The following RAP1A variants were observed in gnomAD, a reference collection of about 807,000 sequenced individuals.
The protein encoded by RAP1A is ras-related protein Rap-1A.
RAP1A carries 6 observed loss-of-function variants against 26.4 expected under a neutral mutation model. The observed-to-expected ratio is 0.23, with a 90% CI of 0.12 to 0.45. The LOEUF is 0.45. RAP1A is among the 20% of genes least tolerant of loss of function. The pLI is 0.99. For missense variants in RAP1A, 121 were observed against 217.2 expected (o/e 0.56, Z 2.78); for synonymous variants, 73 against 79.4 (o/e 0.92, Z 0.43).
At chr1:111,698,731 C>A (rs1332965735) in intron 4 of RAP1A, among the ~76,000 whole-genome samples, 1 of 151,994 alleles carries the variant, frequency 6.6e-6, no homozygotes, top group Admixed American at 6.6e-5. Flanking sequence ...TTTTTCCATT[C>A]TTTTTTGGGA....
chr1:111,546,231 T>C (rs1284358561), intron 1 of RAP1A, among the ~76,000 whole-genome samples: 1 of 152,202 alleles, frequency 6.6e-6, no homozygotes, highest in African/African-American at 2.4e-5. Flanking sequence ...CCATCATTTT[T>C]TCCTCTCTTC....
chr1:111,561,657 C>G (rs1657743755), intron 1 of RAP1A, among the ~76,000 whole-genome samples: 1 of 152,202 alleles, frequency 6.6e-6, no homozygotes, highest in Non-Finnish European at 1.5e-5. Flanking sequence ...TCTCCTACTG[C>G]TCACTACTAT....
intron 1 of RAP1A, among the ~76,000 whole-genome samples, chr1:111,667,552 C>T (rs534814571): frequency 3.3e-5 from 5 of 151,886 alleles, no homozygotes; most frequent in East Asian, 1.9e-4. Context: ...CGTGGTGGCC[C>T]GCACCTGTAA....
intron 1 of RAP1A, among the ~76,000 whole-genome samples, chr1:111,597,357 G>A (rs1658581323): frequency 6.6e-6 from 1 of 152,110 alleles, no homozygotes; most frequent in African/African-American, 2.4e-5. Context: ...GGGAGAATTG[G>A]GGCTGAAAGT....
intron 1 of RAP1A, among the ~76,000 whole-genome samples, chr1:111,604,124 T>A (rs1658725037): frequency 6.6e-6 from 1 of 152,118 alleles, no homozygotes; most frequent in Non-Finnish European, 1.5e-5. Flanking sequence ...AGTGGGTAAG[T>A]GAGAAGAGGC....
At chr1:111,648,555 AGCAGGATCCCGTTTAGCTGCTCCATCT>A (rs1326719282) in intron 1 of RAP1A, 3 of 559,660 alleles carry the variant, frequency 5.4e-6, no homozygotes, top group Non-Finnish European at 1.0e-5. Flanking sequence ...CTGCAGTTGC[AGCAGGATCCCGTTTAGCTGCTCCATCT>A]GCAGGAAGTA....
In RAP1A at chr1:111,601,066, G is replaced by A. The variant is rs1054282595; in HGVS notation, c.-28+58557G>A. Among the ~76,000 whole-genome samples the A allele has an allele frequency of 1.2e-4, 19 of 152,170 alleles. 1 individual carries two copies. The highest frequency in any genetic ancestry group is 1.6e-4 in the Non-Finnish European group (11 of 68,022). ...CCCTCTCCATAACAGCAGAATGTGG[G>A]ATTTCCAAGACCTTTCTTGAGGGCC... On this transcript the variant is annotated intron_variant, in intron 1 of 7. Coordinates refer to the RAP1A transcript ENST00000356415.
intron 1 of RAP1A, among the ~76,000 whole-genome samples, chr1:111,662,724 T>TTC (rs1487423739): frequency 8.1e-5 from 11 of 135,618 alleles, no homozygotes; most frequent in African/African-American, 2.5e-4. Flanking sequence ...AGCATTAAGC[T>TTC]TCTGTACCTA....
intron 1 of RAP1A, chr1:111,650,507 A>T (rs954293780): frequency 6.6e-6 from 1 of 152,130 alleles, no homozygotes; most frequent in African/African-American, 2.4e-5. Flanking sequence ...TATCATTCCA[A>T]TTTCAGTATA....
intron 1 of RAP1A, among the ~76,000 whole-genome samples, chr1:111,575,658 G>C (rs543376835): frequency 1.3e-5 from 2 of 152,098 alleles, no homozygotes; most frequent in Non-Finnish European, 2.9e-5. Context: ...CGTGCACACA[G>C]AGAAAGACCA....
chr1:111,625,680 C>T (rs1376814982), intron 1 of RAP1A, among the ~76,000 whole-genome samples: 1 of 152,170 alleles, frequency 6.6e-6, no homozygotes, highest in Non-Finnish European at 1.5e-5. Context: ...CAATCTAGGC[C>T]AAATCTATTG....
intron 1 of RAP1A, among the ~76,000 whole-genome samples, chr1:111,689,533 A>AT (rs60393162): frequency 1 from 152,295 of 152,300 alleles, 76,145 homozygotes; most frequent in Middle Eastern, 1. Flanking sequence ...GGTTCTTATT[A>AT]TATGTGTGCC....
intron 1 of RAP1A, among the ~76,000 whole-genome samples, chr1:111,567,083 A>T (rs1394616441): frequency 6.6e-6 from 1 of 152,182 alleles, no homozygotes; most frequent in East Asian, 1.9e-4. Flanking sequence ...ACTGAGCAGG[A>T]CATAGGGATA....
intron 1 of RAP1A, among the ~76,000 whole-genome samples, chr1:111,603,375 C>T (rs1368733899): frequency 2.0e-5 from 3 of 152,180 alleles, no homozygotes; most frequent in Admixed American, 6.5e-5. Context: ...TGCCACCTAT[C>T]GCCCAACCTG....
intron 1 of RAP1A, among the ~76,000 whole-genome samples, chr1:111,663,436 C>T (rs1452065484): frequency 6.6e-6 from 1 of 152,180 alleles, no homozygotes. Flanking sequence ...TTCCAAAATT[C>T]TTCTCAAAAT....
At chr1:111,620,813 G>C (rs1332848987) in intron 1 of RAP1A, among the ~76,000 whole-genome samples, 2 of 152,128 alleles carry the variant, frequency 1.3e-5, no homozygotes, top group African/African-American at 4.8e-5. Context: ...CCCTTAATCA[G>C]GAAGTTAAGG....
intron 1 of RAP1A, among the ~76,000 whole-genome samples, chr1:111,584,222 T>C (rs975857413): frequency 2.0e-5 from 3 of 152,084 alleles, no homozygotes; most frequent in Non-Finnish European, 4.4e-5. Context: ...CATAGAGAAA[T>C]GATTGGAGAT....
intron 1 of RAP1A, among the ~76,000 whole-genome samples, chr1:111,611,289 G>C (rs900979733): frequency 6.6e-6 from 1 of 152,168 alleles, no homozygotes; most frequent in Non-Finnish European, 1.5e-5. Context: ...TTGGGTTCAA[G>C]TATCAGGCAC....
At chr1:111,697,561 G>T (rs985545914) in intron 4 of RAP1A, 64 bp downstream of exon 4, 146 of 1,592,240 alleles carry the variant, frequency 9.2e-5, no homozygotes, top group Non-Finnish European at 1.1e-4. Flanking sequence ...CATCTGAGTA[G>T]GTTTTGTCAT....
Sources: allele counts gnomAD v4.1 joint callset (sites outside exome capture counted in the v4.1 genomes callset), GRCh38; gene constraint gnomAD v4.1.1; transcripts MANE v1.5; gene names NCBI Gene and HGNC (gene_info 2026-07-23, HGNC 2026-07-21).